The following RTF1 variants were observed in gnomAD, a reference collection of about 807,000 sequenced individuals.
The protein encoded by RTF1 is RTF1 homolog, Paf1/RNA polymerase II complex component.
RTF1 carries 10 observed loss-of-function variants against 95.7 expected under a neutral mutation model. The ratio of observed to expected loss-of-function variants is 0.10; its 90% CI spans 0.06 to 0.18. RTF1 has a LOEUF of 0.18. Among genes scored for constraint, RTF1 ranks in the 10% least tolerant of loss-of-function variants. The probability of loss-of-function intolerance (pLI) is 1.00; values close to 1 mark genes in which losing one functional copy is unlikely to be tolerated. For missense variants in RTF1, 458 were observed against 875.6 expected (o/e 0.52, Z 6.02); for synonymous variants, 305 against 311.8 (o/e 0.98, Z 0.23).
intron 1 of RTF1, among the ~76,000 whole-genome samples, chr15:41,422,391 C>G (rs1323120916): frequency 1.3e-5 from 2 of 152,172 alleles, no homozygotes; most frequent in Non-Finnish European, 2.9e-5. Context: ...TGACCACACC[C>G]TTTCTTCAAC....
chr15:41,440,665 A>G (rs2050729014), intron 2 of RTF1, among the ~76,000 whole-genome samples: 1 of 148,736 alleles, frequency 6.7e-6, no homozygotes, highest in Admixed American at 6.8e-5. Context: ...AATTTTTTGT[A>G]TTTTTGGTAG....
intron 3 of RTF1, among the ~76,000 whole-genome samples, chr15:41,456,534 C>T (rs529891834): frequency 2.0e-5 from 3 of 150,276 alleles, no homozygotes; most frequent in Admixed American, 2.0e-4. Context: ...CAGTGGCTCA[C>T]GCCTGTAATT....
intron 1 of RTF1, among the ~76,000 whole-genome samples, chr15:41,420,223 C>T (rs925805668): frequency 2.6e-5 from 4 of 152,146 alleles, no homozygotes; most frequent in African/African-American, 9.7e-5. Context: ...TTAACTTCCT[C>T]CCCTTCAGCT....
At chr15:41,452,602 G>C (rs1296498824) in intron 2 of RTF1, among the ~76,000 whole-genome samples, 1 of 151,938 alleles carries the variant, frequency 6.6e-6, no homozygotes, top group Non-Finnish European at 1.5e-5. Context: ...GGCGTGGTGG[G>C]GCACACCTGT....
Position 41,478,358 on chromosome 15 carries a change from G to A in RTF1, c.1741-190G>A, listed in dbSNP as rs750064847. 245 of 554,424 alleles carry A rather than the reference G, an allele frequency of 4.4e-4. 1 individual carries two copies. Among genetic ancestry groups the A allele is most frequent in the Admixed American group, 1.0e-3 (30 of 29,916 alleles). The allele number at this position is 554,424 out of a possible 1,614,324, so 34.3% of individuals were successfully genotyped here. A position where few individuals can be genotyped will look rare whatever the true frequency, so the allele number is the denominator to read the frequency against. On this transcript the variant is annotated intron_variant, in intron 14 of 17. Transcript: ENST00000389629. ...AGCAGATGCAATGAGCTGAGATTGC[G>A]TCACTGCACTTCAGCCTAGGCGACA...
chr15:41,421,364 G>T (rs762103095), intron 1 of RTF1, among the ~76,000 whole-genome samples: 3 of 152,078 alleles, frequency 2.0e-5, no homozygotes, highest in Non-Finnish European at 4.4e-5. Flanking sequence ...GCTGAGGCAG[G>T]AGAATCACTT....
chr15:41,447,192 A>G (rs1479132282), intron 2 of RTF1, among the ~76,000 whole-genome samples: 7 of 152,208 alleles, frequency 4.6e-5, no homozygotes, highest in Admixed American at 2.6e-4. Flanking sequence ...AATGGTTTCT[A>G]TGCTGGGTCC....
chr15:41,446,334 G>T (rs565074792), intron 2 of RTF1, among the ~76,000 whole-genome samples: 1 of 152,070 alleles, frequency 6.6e-6, no homozygotes, highest in Non-Finnish European at 1.5e-5. Flanking sequence ...ACTTTGGGAG[G>T]TTGAGGCGGG....
Position 41,475,440 on chromosome 15 carries a change from G to T in RTF1, c.1287-85G>T. 3 of 995,102 alleles carry T rather than the reference G, an allele frequency of 3.0e-6. No individual in the cohort carries two copies. The South Asian group carries it at 3.9e-5, about 13-fold the overall frequency. The allele number at this position is 995,102 out of a possible 1,614,324, so 61.6% of individuals were successfully genotyped here. On this transcript the variant is annotated intron_variant, in intron 9 of 17. Transcript: ENST00000389629. ...GAACCACTGCAATAGGTATATATAG[G>T]TGGTACATAGTCTGGTAAGGTTGCT...
chr15:41,456,396 GGAGAATGGCATGAA>G (rs2050816457), intron 3 of RTF1, among the ~76,000 whole-genome samples: 1 of 152,000 alleles, frequency 6.6e-6, no homozygotes, highest in African/African-American at 2.4e-5. Flanking sequence ...GGCTGAGGCA[GGAGAATGGCATGAA>G]CCCGAGAGGC....
chr15:41,481,388 G>A lies in RTF1; in HGVS notation c.*701G>A, dbSNP rs2050974064. ...TAGCTGTTTCAGATTTTTTTCAGCTGTACTTGAGCATCTGAAACTGCAAGA... is the reference window on the plus strand; with the variant it reads ...TAGCTGTTTCAGATTTTTTTCAGCTATACTTGAGCATCTGAAACTGCAAGA... On this transcript the variant is annotated 3_prime_UTR_variant, in exon 18 of 18. Coordinates refer to ENST00000389629, the MANE Select transcript of RTF1 (RefSeq NM_015138.5). 1 of 152,362 alleles carries A rather than the reference G, an allele frequency of 6.6e-6. No homozygotes were observed. Among genetic ancestry groups the A allele is most frequent in the Non-Finnish European group, 1.5e-5 (1 of 68,002 alleles). 9.4% of individuals were successfully genotyped at this position (152,362 alleles called of 1,614,324 possible). A position where few individuals can be genotyped will look rare whatever the true frequency, so the allele number is the denominator to read the frequency against.
intron 1 of RTF1, among the ~76,000 whole-genome samples, chr15:41,435,341 T>C (rs1019018069): frequency 2.6e-5 from 4 of 151,808 alleles, no homozygotes; most frequent in Admixed American, 2.0e-4. Flanking sequence ...GGATAAAATA[T>C]ATATAAATTA....
intron 1 of RTF1, among the ~76,000 whole-genome samples, chr15:41,435,347 A>C (rs964447795): frequency 2.0e-5 from 3 of 151,714 alleles, no homozygotes; most frequent in African/African-American, 7.3e-5. Context: ...AATATATATA[A>C]ATTATACCTC....
chr15:41,434,850 A>G (rs764032097), intron 1 of RTF1, among the ~76,000 whole-genome samples: 1 of 151,870 alleles, frequency 6.6e-6, no homozygotes, highest in African/African-American at 2.4e-5. Context: ...GATGGTCTCG[A>G]ACTCCTGACC....
intron 2 of RTF1, among the ~76,000 whole-genome samples, chr15:41,446,669 C>T (rs1566841546): frequency 6.6e-6 from 1 of 152,178 alleles, no homozygotes; most frequent in Admixed American, 6.6e-5. Flanking sequence ...TCTCACACTA[C>T]CCTGGTAGGT....
chr15:41,459,216 T>A (rs1274068358), intron 4 of RTF1, among the ~76,000 whole-genome samples: 1 of 152,102 alleles, frequency 6.6e-6, no homozygotes, highest in Non-Finnish European at 1.5e-5. Flanking sequence ...CGCTCTCTCC[T>A]ACAAAAAATA....
intron 13 of RTF1, 83 bp downstream of exon 13, chr15:41,477,369 A>G (rs1244789311): frequency 6.2e-7 from 1 of 1,613,128 alleles, no homozygotes; most frequent in Non-Finnish European, 8.5e-7. Flanking sequence ...TCTGTGCTGC[A>G]CTGACCCCAT....
chr15:41,420,028 C>T (rs1217382118), intron 1 of RTF1, among the ~76,000 whole-genome samples: 1 of 152,022 alleles, frequency 6.6e-6, no homozygotes, highest in Non-Finnish European at 1.5e-5. Flanking sequence ...TCCATGTTGG[C>T]CAGGCTGGTT....
Position 41,438,366 on chromosome 15 carries a change from A to G in RTF1, c.244A>G (p.Lys82Glu). 6.4e-7 allele frequency: 1 copy of G among 1,551,278 alleles called. No homozygotes were observed. Among genetic ancestry groups the G allele is most frequent in the Non-Finnish European group, 8.7e-7 (1 of 1,146,676 alleles). ...GCGAAAGCGCAGTGACTCTGAGGAG[A>G]AGGAGCCGCCTGTGAGTCAGCCTGC... is the stretch of plus-strand genomic sequence containing the variant. ...AKRKRSDSEE[K>E]EPPVSQPAAS... The change falls in exon 2 of 18, where the codon AAG (lysine) becomes GAG (glutamate). Residue 82 changes from lysine (K) to glutamate (E), a missense_variant. By Grantham distance (56) the Lys-to-Glu change is moderately conservative. This residue lies in a region of RTF1 where 44 missense variants were observed against 99.5 expected (regional missense o/e 0.44). Coordinates refer to ENST00000389629, the MANE Select transcript of RTF1 (RefSeq NM_015138.5).
Sources: allele counts gnomAD v4.1 joint callset (sites outside exome capture counted in the v4.1 genomes callset), GRCh38; gene constraint gnomAD v4.1.1; regional missense constraint gnomAD v4.1.1; transcripts MANE v1.5; gene names NCBI Gene and HGNC (gene_info 2026-07-23, HGNC 2026-07-21).